R3HDM1: variants seen among roughly 807,000 people sequenced by gnomAD.
R3HDM1 encodes R3H domain containing 1.
R3HDM1 carries 46 observed loss-of-function variants against 141.1 expected under a neutral mutation model. The observed-to-expected ratio is 0.33, with a 90% CI of 0.26 to 0.42. The LOEUF is 0.42. R3HDM1 is among the 10% of genes least tolerant of loss of function. The pLI is 1.00. For synonymous variants in R3HDM1, 435 were observed against 472.9 expected, an observed-to-expected ratio of 0.92 and a Z score of 1.04; for missense variants, 1,184 against 1,368.3, an observed-to-expected ratio of 0.87 and a Z score of 2.12.
At chr2:135,565,325 T>G (rs1042331557) in intron 1 of R3HDM1, among the ~76,000 whole-genome samples, 15 of 86,938 alleles carry the variant, frequency 1.7e-4, no homozygotes, top group Admixed American at 8.9e-4. Context: ...GAAAAAAAAT[T>G]ATTATTATTA....
rs551687358 is a variant in R3HDM1 at position 135,631,466 on chromosome 2, G to A, written c.498-252G>A. 3.1e-3 allele frequency among the ~76,000 whole-genome samples: 471 copies of A among 151,492 alleles called. 5 individuals carry two copies. Among genetic ancestry groups the A allele is most frequent in the South Asian group, 5.8e-3 (28 of 4,798 alleles). ...TTGATTATTGTTAAAGTTGGGTGAT[G>A]GGTACATCAAAATTCATTACACTAT... On this transcript the variant is annotated intron_variant, in intron 7 of 26. Transcript: ENST00000683871.
chr2:135,540,419 C>T (rs1697218367), intron 1 of R3HDM1, among the ~76,000 whole-genome samples: 1 of 152,158 alleles, frequency 6.6e-6, no homozygotes, highest in African/African-American at 2.4e-5. Flanking sequence ...GACCTCCTCC[C>T]ATGAATCACA....
chr2:135,531,814 C>T (rs530400443), intron 1 of R3HDM1, 181 bp downstream of exon 1: 119 of 985,410 alleles, frequency 1.2e-4, no homozygotes, highest in South Asian at 1.4e-4. Context: ...CTTCTGACGT[C>T]CCGCTGCTGC....
chr2:135,716,561 T>G (rs2076168624), intron 24 of R3HDM1, among the ~76,000 whole-genome samples: 1 of 152,122 alleles, frequency 6.6e-6, no homozygotes, highest in African/African-American at 2.4e-5. Flanking sequence ...CAAAAAAAAT[T>G]TACAAACAAC....
intron 1 of R3HDM1, among the ~76,000 whole-genome samples, chr2:135,594,407 T>C (rs1210339503): frequency 6.6e-6 from 1 of 152,212 alleles, no homozygotes; most frequent in Non-Finnish European, 1.5e-5. Context: ...CTTTCTCATT[T>C]GCATCACTCT....
intron 1 of R3HDM1, among the ~76,000 whole-genome samples, chr2:135,546,208 T>C (rs1698665243): frequency 6.6e-6 from 1 of 152,246 alleles, no homozygotes; most frequent in African/African-American, 2.4e-5. Context: ...GATAAATTTT[T>C]GTTCTGTTCT....
intron 21 of R3HDM1, among the ~76,000 whole-genome samples, chr2:135,701,194 T>G (rs2074143396): frequency 7.0e-6 from 1 of 143,202 alleles, no homozygotes. Flanking sequence ...AGAGCAGCCT[T>G]GGGCAACATA....
intron 16 of R3HDM1, among the ~76,000 whole-genome samples, chr2:135,647,540 C>T (rs925400928): frequency 1.1e-4 from 16 of 152,124 alleles, no homozygotes; most frequent in Admixed American, 3.9e-4. Flanking sequence ...GAAACAGATG[C>T]TTTAATGAGC....
chr2:135,539,559 G>C (rs539063475), intron 1 of R3HDM1, among the ~76,000 whole-genome samples: 1 of 152,176 alleles, frequency 6.6e-6, no homozygotes, highest in East Asian at 1.9e-4. Context: ...ACACCTAGGA[G>C]ATACTGCGAG....
rs116806833 is a variant in R3HDM1, at chr2:135,662,727, G to A, written c.2152+1334G>A. On this transcript the variant is annotated intron_variant, in intron 19 of 26. Coordinates refer to ENST00000683871, the MANE Select transcript of R3HDM1 (RefSeq NM_001378107.1). ...AGGTATCAAAAGTTATTCTCTATTC[G>A]TGGGAACATTGGTTGTGGTACTGCT... Among the ~76,000 whole-genome samples, 448 of 152,206 alleles carry A rather than the reference G, an allele frequency of 2.9e-3. 2 individuals are homozygous for A. The highest frequency in any genetic ancestry group is 0.01 in the African/African-American group (421 of 41,526).
chr2:135,711,452 A>G (rs953834651), intron 23 of R3HDM1, among the ~76,000 whole-genome samples: 4 of 151,426 alleles, frequency 2.6e-5, no homozygotes, highest in African/African-American at 9.7e-5. Flanking sequence ...CCTGGAACGC[A>G]GGAGTTCGAG....
chr2:135,620,048 T>A (rs2105172575), intron 5 of R3HDM1, among the ~76,000 whole-genome samples: 1 of 152,296 alleles, frequency 6.6e-6, no homozygotes, highest in South Asian at 2.1e-4. Context: ...ACATTAAGCT[T>A]ACAAGATTTT....
chr2:135,614,815 C>CTT (rs139013636), intron 3 of R3HDM1, among the ~76,000 whole-genome samples: 9 of 149,306 alleles, frequency 6.0e-5, no homozygotes, highest in African/African-American at 2.2e-4. Context: ...TTTTCTCTCT[C>CTT]TTTTTTTTTT....
chr2:135,677,183 GTTGT>G (rs2069336395), intron 20 of R3HDM1, among the ~76,000 whole-genome samples: 1 of 152,206 alleles, frequency 6.6e-6, no homozygotes, highest in African/African-American at 2.4e-5. Flanking sequence ...GAAATGTGAG[GTTGT>G]CAAATGTTGT....
At chr2:135,666,933 A>AG in intron 19 of R3HDM1, 1 of 270,564 alleles carries the variant, frequency 3.7e-6, no homozygotes, top group Non-Finnish European at 5.6e-6. Context: ...AAAAAAAAAA[A>AG]AAAGAAAACT....
intron 4 of R3HDM1, 128 bp from the exon 5 acceptor site, chr2:135,616,540 C>T: frequency 1.4e-6 from 1 of 738,194 alleles, no homozygotes; most frequent in Non-Finnish European, 2.2e-6. Context: ...ATATATTTAA[C>T]TTGCACATTT....
chr2:135,654,532 T>C (rs1339334471), intron 18 of R3HDM1, among the ~76,000 whole-genome samples: 1 of 151,910 alleles, frequency 6.6e-6, no homozygotes, highest in African/African-American at 2.4e-5. Flanking sequence ...CACTGCAACC[T>C]CCGCCTGCCA....
intron 3 of R3HDM1, among the ~76,000 whole-genome samples, chr2:135,613,485 G>T (rs2060735055): frequency 6.6e-6 from 1 of 152,080 alleles, no homozygotes; most frequent in Admixed American, 6.5e-5. Flanking sequence ...ATCTTAAATT[G>T]TATCTTAAGG....
At chr2:135,680,998 A>C (rs1304570258) in intron 21 of R3HDM1, among the ~76,000 whole-genome samples, 1 of 152,160 alleles carries the variant, frequency 6.6e-6, no homozygotes, top group Non-Finnish European at 1.5e-5. Flanking sequence ...TCTTGCTGGA[A>C]TATTTCAGGC....
Sources: allele counts gnomAD v4.1 joint callset (sites outside exome capture counted in the v4.1 genomes callset), GRCh38; gene constraint gnomAD v4.1.1; transcripts MANE v1.5; gene names NCBI Gene and HGNC (gene_info 2026-07-23, HGNC 2026-07-21).